The following SLC1A2 variants were observed in gnomAD, a reference collection of about 807,000 sequenced individuals.
SLC1A2 encodes the protein excitatory amino acid transporter 2.
In SLC1A2, 15 loss-of-function variants were observed where a neutral mutation model predicts 48.8. The ratio of observed to expected loss-of-function variants is 0.31; its 90% CI spans 0.21 to 0.47. SLC1A2 has a LOEUF of 0.47. Among genes scored for constraint, SLC1A2 ranks in the 20% least tolerant of loss-of-function variants. The probability of loss-of-function intolerance (pLI) is 0.99; values close to 1 mark genes in which losing one functional copy is unlikely to be tolerated. For missense variants in SLC1A2, 502 were observed against 730.5 expected (o/e 0.69, Z 3.61); for synonymous variants, 279 against 272.6 (o/e 1.02, Z -0.23).
At position 35,260,669 on chromosome 11, in the gene SLC1A2, A is replaced by G. The variant is rs1419377489; in HGVS notation, c.*225T>C. 1.9e-6 allele frequency: 1 copy of G among 523,790 alleles called. No individual in the cohort carries two copies. Among genetic ancestry groups the G allele is most frequent in the African/African-American group, 1.9e-5 (1 of 52,056 alleles). The allele number at this position is 523,790 out of a possible 1,614,324, so 32.4% of individuals were successfully genotyped here. ...TCCAGCAGCATCCATTCAAATAATAATACAAGTGAGAAAATTAGACGGTTA... is the reference window on the plus strand; with the variant it reads ...TCCAGCAGCATCCATTCAAATAATAGTACAAGTGAGAAAATTAGACGGTTA... On this transcript the variant is annotated 3_prime_UTR_variant, in exon 11 of 11. Transcript: ENST00000278379.
In SLC1A2 at chr11:35,258,496, AT is replaced by A. The variant is rs1276734246; in HGVS notation, c.*2397del. 8 of 152,654 alleles carry A rather than the reference AT, an allele frequency of 5.2e-5. No homozygotes were observed. Among genetic ancestry groups the A allele is most frequent in the Non-Finnish European group, 1.0e-4 (7 of 68,048 alleles). 9.5% of individuals were successfully genotyped at this position (152,654 alleles called of 1,614,324 possible). ...ATATAGATCCCAAAGCTGGCCTTCC[AT>A]AGCAAAAAACAACAAGCTCCTAGAC... On this transcript the variant is annotated 3_prime_UTR_variant, in exon 11 of 11. Transcript: ENST00000278379.
chr11:35,281,560 G>A (rs183883934), intron 8 of SLC1A2, among the ~76,000 whole-genome samples: 32 of 152,302 alleles, frequency 2.1e-4, no homozygotes, highest in East Asian at 1.9e-3. Flanking sequence ...AGCGTCAGGC[G>A]CCTGGATGCC....
chr11:35,376,670 C>T (rs530172479), intron 1 of SLC1A2, among the ~76,000 whole-genome samples: 10 of 152,280 alleles, frequency 6.6e-5, no homozygotes, highest in African/African-American at 2.2e-4. Flanking sequence ...AATAATTACT[C>T]ATCTTGATTT....
intron 1 of SLC1A2, among the ~76,000 whole-genome samples, chr11:35,371,765 A>C (rs1420268469): frequency 2.0e-5 from 3 of 152,220 alleles, no homozygotes; most frequent in African/African-American, 7.2e-5. Context: ...ATACAAATGC[A>C]GAACCCCAGG....
chr11:35,377,290 T>C (rs1192631216), intron 1 of SLC1A2, among the ~76,000 whole-genome samples: 1 of 152,220 alleles, frequency 6.6e-6, no homozygotes, highest in Non-Finnish European at 1.5e-5. Context: ...CAAGAGACTG[T>C]AGGCATCTTT....
chr11:35,395,240 C>T (rs1854914901), intron 1 of SLC1A2, among the ~76,000 whole-genome samples: 1 of 151,828 alleles, frequency 6.6e-6, no homozygotes, highest in African/African-American at 2.4e-5. Flanking sequence ...TCTCAGGTGA[C>T]TTCCTGTCAA....
chr11:35,270,185 C>T (rs1850241868), intron 9 of SLC1A2, among the ~76,000 whole-genome samples: 1 of 152,090 alleles, frequency 6.6e-6, no homozygotes, highest in Non-Finnish European at 1.5e-5. Context: ...TCTTTTGATG[C>T]AAAATCAAGA....
intron 2 of SLC1A2, chr11:35,317,077 G>T: frequency 3.1e-6 from 1 of 324,166 alleles, no homozygotes; most frequent in Non-Finnish European, 5.8e-6. Flanking sequence ...GTAGATTGCA[G>T]GACCTCATTT....
chr11:35,393,852 A>C (rs1398473672), intron 1 of SLC1A2, among the ~76,000 whole-genome samples: 1 of 152,112 alleles, frequency 6.6e-6, no homozygotes, highest in Non-Finnish European at 1.5e-5. Flanking sequence ...AGAATGGGAG[A>C]GAATAGAGAC....
chr11:35,338,510 A>G (rs1355283276), intron 1 of SLC1A2, among the ~76,000 whole-genome samples: 1 of 152,200 alleles, frequency 6.6e-6, no homozygotes, highest in East Asian at 1.9e-4. Context: ...AAGTTGGTCC[A>G]GTGAGATATA....
chr11:35,329,824 C>G (rs1170868590), intron 1 of SLC1A2, among the ~76,000 whole-genome samples: 1 of 152,192 alleles, frequency 6.6e-6, no homozygotes, highest in East Asian at 1.9e-4. Flanking sequence ...TTCCCTGCAG[C>G]TTTTACCCAC....
At chr11:35,352,631 A>T (rs1333792064) in intron 1 of SLC1A2, among the ~76,000 whole-genome samples, 1 of 152,146 alleles carries the variant, frequency 6.6e-6, no homozygotes, top group Non-Finnish European at 1.5e-5. Context: ...TCTCCTCCTG[A>T]TATTCTCACC....
Position 35,255,778 on chromosome 11 carries a change from G to A in SLC1A2, c.*5116C>T, listed in dbSNP as rs1950307489. The A allele has an allele frequency of 6.6e-6, 1 of 152,220 alleles. No individual in the cohort carries two copies. Among genetic ancestry groups the A allele is most frequent in the African/African-American group, 2.4e-5 (1 of 41,464 alleles). The allele number at this position is 152,220 out of a possible 1,614,324, so 9.4% of individuals were successfully genotyped here. A position where few individuals can be genotyped will look rare whatever the true frequency, so the allele number is the denominator to read the frequency against. ...AAATCACTACTTCTATTAGGAAGGT[G>A]AGTTTAAGTCAAGGGAACTTTTATT... On this transcript the variant is annotated 3_prime_UTR_variant, in exon 11 of 11. Coordinates refer to ENST00000278379, the MANE Select transcript of SLC1A2 (RefSeq NM_004171.4).
intron 5 of SLC1A2, among the ~76,000 whole-genome samples, chr11:35,302,098 C>T (rs1851374091): frequency 1.3e-5 from 2 of 152,164 alleles, no homozygotes; most frequent in Non-Finnish European, 2.9e-5. Flanking sequence ...TTACATCTAG[C>T]TTGTTTTGGT....
At position 35,254,543 on chromosome 11, in the gene SLC1A2, G is replaced by T. The variant is rs909065722; in HGVS notation, c.*6351C>A. 15 of 293,546 alleles carry T rather than the reference G, an allele frequency of 5.1e-5. No individual in the cohort carries two copies. Among genetic ancestry groups the T allele is most frequent in the African/African-American group, 6.7e-5 (3 of 44,724 alleles). 18.2% of individuals were successfully genotyped at this position (293,546 alleles called of 1,614,324 possible). A position where few individuals can be genotyped will look rare whatever the true frequency, so the allele number is the denominator to read the frequency against. ...ATTTGCCCCCTAGCAAAGGCAACAG[G>T]CTGTTTCCAGGCAGGCAAAATGGTT... On this transcript the variant is annotated 3_prime_UTR_variant, in exon 11 of 11. Coordinates refer to ENST00000278379, the MANE Select transcript of SLC1A2 (RefSeq NM_004171.4).
intron 1 of SLC1A2, among the ~76,000 whole-genome samples, chr11:35,379,426 A>G (rs1854349153): frequency 6.6e-6 from 1 of 152,184 alleles, no homozygotes; most frequent in Admixed American, 6.5e-5. Flanking sequence ...ACTTTTTTTT[A>G]AGCCAGACAT....
At chr11:35,317,923 T>C (rs1451716320) in intron 1 of SLC1A2, among the ~76,000 whole-genome samples, 1 of 152,208 alleles carries the variant, frequency 6.6e-6, no homozygotes, top group Non-Finnish European at 1.5e-5. Flanking sequence ...GGTGACTTTT[T>C]CAGGAGAGTC....
chr11:35,400,144 C>T (rs1280029027), intron 1 of SLC1A2, among the ~76,000 whole-genome samples: 2 of 152,192 alleles, frequency 1.3e-5, no homozygotes, highest in East Asian at 3.8e-4. Flanking sequence ...GTATGTGTGC[C>T]ATTTGACCCA....
intron 1 of SLC1A2, chr11:35,413,824 G>A (rs1855533224): frequency 6.6e-6 from 1 of 152,208 alleles, no homozygotes; most frequent in Non-Finnish European, 1.5e-5. Context: ...ATGACAGAAA[G>A]TCCTGTGCCA....
Sources: gnomAD v4.1 joint callset for allele counts (sites outside exome capture counted in the v4.1 genomes callset) on GRCh38, gnomAD v4.1.1 for gene constraint, MANE v1.5 for transcripts, NCBI Gene and HGNC (gene_info 2026-07-23, HGNC 2026-07-21) for gene names.